LCP2: variants seen among roughly 807,000 people sequenced by gnomAD.
LCP2 encodes the protein lymphocyte cytosolic protein 2.
LCP2 carries 29 observed loss-of-function variants against 74.5 expected under a neutral mutation model. That is an observed-to-expected ratio of 0.39 (90% CI 0.29 to 0.53). The LOEUF (loss-of-function observed/expected upper bound fraction) is 0.53. Among genes scored for constraint, LCP2 ranks in the 20% least tolerant of loss-of-function variants. The pLI, the probability that LCP2 is intolerant of heterozygous loss-of-function variation, is 0.72. For missense variants in LCP2, 604 were observed against 634.6 expected, an observed-to-expected ratio of 0.95 and a Z score of 0.52; for synonymous variants, 228 against 229.5, an observed-to-expected ratio of 0.99 and a Z score of 0.06.
chr5:170,270,650 C>T, intron 7 of LCP2, 69 bp downstream of exon 7: 1 of 1,392,498 alleles, frequency 7.2e-7, no homozygotes. Context: ...GGGCATCAGC[C>T]TTCCATGCAG....
chr5:170,257,746 C>T (rs1761581325), intron 16 of LCP2, among the ~76,000 whole-genome samples: 1 of 152,126 alleles, frequency 6.6e-6, no homozygotes, highest in Admixed American at 6.5e-5. Flanking sequence ...TGTTTGAACT[C>T]ATAAAGTGAA....
At chr5:170,257,187 T>C (rs1761569200) in intron 16 of LCP2, among the ~76,000 whole-genome samples, 1 of 152,044 alleles carries the variant, frequency 6.6e-6, no homozygotes, top group African/African-American at 2.4e-5. Context: ...ACAGCAACCT[T>C]GTGTGAGTGG....
intron 19 of LCP2, chr5:170,251,282 C>G (rs924733429): frequency 1.0e-5 from 2 of 192,758 alleles, no homozygotes; most frequent in African/African-American, 4.7e-5. Context: ...ATTCCCTAAA[C>G]TTTCTTTTCC....
chr5:170,250,067 T>A (rs192918101), intron 20 of LCP2, among the ~76,000 whole-genome samples: 7 of 152,228 alleles, frequency 4.6e-5, no homozygotes, highest in African/African-American at 1.2e-4. Flanking sequence ...GGTAAGCTGT[T>A]TCTCATTCTG....
In LCP2 at chr5:170,246,811, G is replaced by A. The variant is rs1402724692; in HGVS notation, c.*1886C>T. On this transcript the variant is annotated 3_prime_UTR_variant, in exon 21 of 21. Coordinates refer to ENST00000046794, the MANE Select transcript of LCP2 (RefSeq NM_005565.5). ...GCACCTGGGGTCATATAGAAGGTCT[G>A]TGGCCAAAAGAGGCAAGGCCCAGCC... The A allele has an allele frequency of 6.6e-6, 1 of 152,236 alleles. No individual in the cohort carries two copies. Among genetic ancestry groups the A allele is most frequent in the Non-Finnish European group, 1.5e-5 (1 of 68,050 alleles). 9.4% of individuals were successfully genotyped at this position (152,236 alleles called of 1,614,324 possible). A position where few individuals can be genotyped will look rare whatever the true frequency, so the allele number is the denominator to read the frequency against.
chr5:170,289,643 T>TTCTCTCTCTCTCTCTCTC (rs1416875171), intron 2 of LCP2, among the ~76,000 whole-genome samples: 5 of 110,056 alleles, frequency 4.5e-5, no homozygotes, highest in African/African-American at 1.9e-4. Flanking sequence ...CTTTCTTTCT[T>TTCTCTCTCTCTCTCTCTC]TCTTTCTTTC....
rs1178137226 is a variant in LCP2, at chr5:170,275,313, G to A, written c.286+7C>T. Reference sequence around the variant, plus strand: ...AAGCAATCACCTCTGAGCCCTGAGAGCTTTACCTGTCTCTTCAGGAAACCG... The same window carrying A: ...AAGCAATCACCTCTGAGCCCTGAGAACTTTACCTGTCTCTTCAGGAAACCG... On this transcript the variant is annotated splice_region_variant and intron_variant, in intron 5 of 20. Coordinates refer to ENST00000046794, the MANE Select transcript of LCP2 (RefSeq NM_005565.5). 1.2e-6 allele frequency: 2 copies of A among 1,613,992 alleles called. No homozygotes were observed. The highest frequency in any genetic ancestry group is 1.1e-5 in the South Asian group (1 of 91,082).
At chr5:170,286,565 C>G (rs1762185856) in intron 3 of LCP2, among the ~76,000 whole-genome samples, 1 of 152,148 alleles carries the variant, frequency 6.6e-6, no homozygotes, top group Non-Finnish European at 1.5e-5. Flanking sequence ...GTGGCTAGTG[C>G]CTCAGGGGAA....
chr5:170,275,969 C>T, intron 3 of LCP2, 109 bp from the exon 4 acceptor site: 1 of 881,338 alleles, frequency 1.1e-6, no homozygotes, highest in Non-Finnish European at 1.8e-6. Flanking sequence ...CCAGGGCCAA[C>T]TTTGGCCAGG....
At chr5:170,251,764 C>T (rs141808946) in intron 19 of LCP2, 1 of 418,952 alleles carries the variant, frequency 2.4e-6, no homozygotes, top group African/African-American at 2.0e-5. Context: ...AGAGCTGACA[C>T]AGCACCCCCA....
In LCP2 at chr5:170,262,667, G is replaced by C. The variant is rs944725693; in HGVS notation, c.894C>G (p.Ser298Arg). The change falls in exon 13 of 21, where the codon AGC (serine) becomes AGG (arginine). Residue 298 changes from serine (S) to arginine (R), a missense_variant. Ser to Arg is a moderately radical substitution (Grantham distance 110). Coordinates refer to ENST00000046794, the MANE Select transcript of LCP2 (RefSeq NM_005565.5). ...CAGGTGGCTTCTTCCCTGGCAGGGG[G>C]CTGCTCCTTTCATGTCTTTCCGTGG... ...PPTTERHERSSPLPGKKPPVP... is the reference protein window; with the variant it reads ...PPTTERHERSRPLPGKKPPVP... The C allele has an allele frequency of 6.2e-7, 1 of 1,613,800 alleles. No individual in the cohort carries two copies. The highest frequency in any genetic ancestry group is 2.2e-5 in the East Asian group (1 of 44,892).
chr5:170,249,185 C>T (rs957404932), intron 20 of LCP2, among the ~76,000 whole-genome samples: 2 of 151,774 alleles, frequency 1.3e-5, no homozygotes, highest in South Asian at 2.1e-4. Context: ...ATTAGCTGGG[C>T]GTGCTGGTGT....
intron 6 of LCP2, among the ~76,000 whole-genome samples, chr5:170,272,641 C>G (rs1300012253): frequency 5.9e-5 from 5 of 84,036 alleles, no homozygotes; most frequent in South Asian, 4.4e-4. Context: ...GATGGAGTCT[C>G]TCTCTGTCAC....
chr5:170,255,358 A>G (rs1033823591), intron 17 of LCP2, among the ~76,000 whole-genome samples: 2 of 152,232 alleles, frequency 1.3e-5, no homozygotes, highest in African/African-American at 4.8e-5. Context: ...TTCTCAGGCT[A>G]TCAACTCACA....
At chr5:170,295,631 C>T (rs957414525) in intron 1 of LCP2, among the ~76,000 whole-genome samples, 7 of 152,208 alleles carry the variant, frequency 4.6e-5, no homozygotes, top group Non-Finnish European at 1.5e-5. Flanking sequence ...ATCTGCAGAT[C>T]AATTCTTTAC....
chr5:170,254,667 G>C (rs1344649355), intron 17 of LCP2, among the ~76,000 whole-genome samples: 1 of 152,188 alleles, frequency 6.6e-6, no homozygotes, highest in Non-Finnish European at 1.5e-5. Context: ...ATACAGGAGA[G>C]TAACAGAACC....
intron 3 of LCP2, among the ~76,000 whole-genome samples, chr5:170,280,621 C>G (rs982163325): frequency 6.6e-6 from 1 of 152,188 alleles, no homozygotes; most frequent in Non-Finnish European, 1.5e-5. Context: ...CCCATGTCCC[C>G]TACCCCTGTA....
chr5:170,275,069 C>T (rs187649981), intron 5 of LCP2, among the ~76,000 whole-genome samples: 149 of 152,144 alleles, frequency 9.8e-4, no homozygotes, highest in African/African-American at 3.5e-3. Flanking sequence ...CTCTACAGAG[C>T]TCCCAGAGCT....
At position 170,270,787 on chromosome 5, in the gene LCP2, T is replaced by C. The variant is rs1275722523; in HGVS notation, c.455A>G (p.Asp152Gly). 2 of 1,607,092 alleles carry C rather than the reference T, an allele frequency of 1.2e-6. No individual in the cohort carries two copies. Among genetic ancestry groups the C allele is most frequent in the Non-Finnish European group, 1.7e-6 (2 of 1,176,782 alleles). ...GATGGAGTTCTGCAGAGCTTCCTCG[T>C]CATTGGAGGGTGGCGGCTCATAATC... ...DADYEPPPSNDEEALQNSILP... is the reference protein window; with the variant it reads ...DADYEPPPSNGEEALQNSILP... The change falls in exon 7 of 21, where the codon GAC becomes GGC. Residue 152 changes from aspartate to glycine, a missense_variant. Transcript: ENST00000046794.
Sources: allele counts gnomAD v4.1 joint callset (sites outside exome capture counted in the v4.1 genomes callset), GRCh38; gene constraint gnomAD v4.1.1; transcripts MANE v1.5; gene names NCBI Gene and HGNC (gene_info 2026-07-23, HGNC 2026-07-21).